The following FAM111B variants were observed in gnomAD, a reference collection of about 807,000 sequenced individuals.
FAM111B encodes the protein serine protease FAM111B.
A neutral mutation model predicts 2.8 loss-of-function variants in FAM111B; 1 was observed. That is an observed-to-expected ratio of 0.36 (90% CI 0.13 to 1.70). The LOEUF (loss-of-function observed/expected upper bound fraction) is 1.70, where lower values mean the gene tolerates loss of function less well. FAM111B is among the 40% of genes most tolerant of loss of function. The pLI, the probability that FAM111B is intolerant of heterozygous loss-of-function variation, is 0.35. For synonymous variants in FAM111B, 297 were observed against 295.6 expected, an observed-to-expected ratio of 1.00 and a Z score of -0.05; for missense variants, 882 against 878.9, an observed-to-expected ratio of 1.00 and a Z score of -0.04.
At position 59,126,257 on chromosome 11, in the gene FAM111B, A is replaced by C; in HGVS notation, c.2160A>C (p.Gln720His). 2 of 1,583,052 alleles carry C rather than the reference A, an allele frequency of 1.3e-6. No homozygotes were observed. Among genetic ancestry groups the C allele is most frequent in the Non-Finnish European group, 1.7e-6 (2 of 1,169,476 alleles). Residue 720 changes from glutamine to histidine, a missense_variant, in exon 4 of 4, where the codon CAA becomes CAC. Coordinates refer to ENST00000343597, the MANE Select transcript of FAM111B (RefSeq NM_198947.4). The part of the protein sequence containing the change: ...LETYDEEKGK[Q>H]ESSLQDHQIE... ...CCTACGATGAAGAGAAAGGTAAACA[A>C]GAGTCATCACTTCAAGATCATCAGA...
chr11:59,112,394 T>C (rs1282544526), intron 3 of FAM111B, among the ~76,000 whole-genome samples: 1 of 152,218 alleles, frequency 6.6e-6, no homozygotes. Context: ...AAAATCTGTT[T>C]ATCCATTCAC....
intron 3 of FAM111B, among the ~76,000 whole-genome samples, chr11:59,116,918 G>A (rs1859848621): frequency 6.6e-6 from 1 of 152,230 alleles, no homozygotes; most frequent in Non-Finnish European, 1.5e-5. Flanking sequence ...CATGGGCAAA[G>A]CCCTTCTGGA....
intron 3 of FAM111B, among the ~76,000 whole-genome samples, chr11:59,122,447 G>C (rs751450870): frequency 2.0e-5 from 3 of 152,156 alleles, no homozygotes; most frequent in Non-Finnish European, 4.4e-5. Context: ...TGGATGTTTA[G>C]TATATGAAAT....
Position 59,124,922 on chromosome 11 carries a change from A to G in FAM111B, c.825A>G (p.Gln275=), listed in dbSNP as rs150167727. The G allele has an allele frequency of 1.6e-4, 251 of 1,605,356 alleles. 2 individuals are homozygous for G. In the East Asian group the frequency reaches 5.6e-3, roughly 36 times the overall value. The stretch of plus-strand genomic sequence containing the variant: ...ACATTTCAAAAAAAAAAGCATTACA[A>G]CAGAAAGATATCCATAAAAAAATTA... ...EMDISKKKAL[Q]QKDIHKKIKQ... Residue 275 remains glutamine (Q), a synonymous_variant, in exon 4 of 4, where the codon CAA becomes CAG. Coordinates refer to ENST00000343597, the MANE Select transcript of FAM111B (RefSeq NM_198947.4).
In FAM111B at chr11:59,121,972, G is replaced by A. The variant is rs189514042; in HGVS notation, c.82-2207G>A. On this transcript the variant is annotated intron_variant, in intron 3 of 3. Transcript: ENST00000343597. ...AGCCTGGCCAAAATGGTGAAACCCC[G>A]TCTCTACTAAAAATACAAAAATTAG... Among the ~76,000 whole-genome samples the A allele has an allele frequency of 3.7e-3, 561 of 152,038 alleles. 6 individuals carry two copies. Among genetic ancestry groups the A allele is most frequent in the African/African-American group, 0.011 (460 of 41,440 alleles).
At chr11:59,118,852 C>G (rs1377641084) in intron 3 of FAM111B, among the ~76,000 whole-genome samples, 8 of 152,164 alleles carry the variant, frequency 5.3e-5, no homozygotes, top group Admixed American at 4.6e-4. Context: ...TGGCTTATTA[C>G]AGTGATATAT....
At chr11:59,109,414 T>G in intron 2 of FAM111B, 126 bp from the exon 3 acceptor site, 1 of 392,158 alleles carries the variant, frequency 2.5e-6, no homozygotes, top group Non-Finnish European at 4.6e-6. Context: ...TACAGTAAGC[T>G]AAATAGCCAT....
rs1421766713 is a variant in FAM111B, at chr11:59,125,752, A to G, written c.1655A>G (p.Glu552Gly). ...NLDYAILKLK[E>G]NGNAFPPGLW... ...GATTATGCCATTTTAAAACTAAAAGAAAATGGAAATGCGTTTCCTCCAGGA... is the reference window on the plus strand; with the variant it reads ...GATTATGCCATTTTAAAACTAAAAGGAAATGGAAATGCGTTTCCTCCAGGA... Residue 552 changes from glutamate (E) to glycine (G), a missense_variant, in exon 4 of 4, where the codon GAA becomes GGA. Physicochemically the swap from Glu to Gly is moderately conservative, Grantham distance 98. Coordinates refer to ENST00000343597, the MANE Select transcript of FAM111B (RefSeq NM_198947.4). 6.2e-7 allele frequency: 1 copy of G among 1,613,698 alleles called. No individual in the cohort carries two copies. The highest frequency in any genetic ancestry group is 8.5e-7 in the Non-Finnish European group (1 of 1,179,824).
At chr11:59,112,160 C>A (rs118005991) in intron 3 of FAM111B, among the ~76,000 whole-genome samples, 5,853 of 152,208 alleles carry the variant, frequency 0.038, 145 homozygotes, top group Non-Finnish European at 0.054. Flanking sequence ...CCTGTTCTCC[C>A]CACTTGTGCC....
chr11:59,116,008 G>A (rs1458322218), intron 3 of FAM111B, among the ~76,000 whole-genome samples: 7 of 152,112 alleles, frequency 4.6e-5, no homozygotes, highest in Non-Finnish European at 7.4e-5. Flanking sequence ...TTTACCTCCC[G>A]GTGCATTATC....
At chr11:59,124,055 A>G (rs950675463) in intron 3 of FAM111B, 124 bp from the exon 4 acceptor site, 124 of 564,338 alleles carry the variant, frequency 2.2e-4, no homozygotes, top group Non-Finnish European at 5.7e-5. Context: ...TTTTTTCTCC[A>G]TTATTCGTTA....
intron 3 of FAM111B, among the ~76,000 whole-genome samples, chr11:59,121,531 A>G (rs1040936480): frequency 2.0e-5 from 3 of 152,222 alleles, no homozygotes; most frequent in Non-Finnish European, 4.4e-5. Context: ...ATGTTAAATA[A>G]TATGGCAATA....
Position 59,124,855 on chromosome 11 carries a change from A to T in FAM111B, c.758A>T (p.Gln253Leu). ...GGTCATAAGAAAATTTATGGAAAAC[A>T]GTCCATGGTGGATGAAGTATCTGGA... is the stretch of plus-strand genomic sequence containing the variant. Reference protein sequence around the residue: ...KEGHKKIYGKQSMVDEVSGKV... With the variant: ...KEGHKKIYGKLSMVDEVSGKV... Residue 253 changes from glutamine to leucine, a missense_variant, in exon 4 of 4, where the codon CAG (glutamine) becomes CTG (leucine). Physicochemically the swap from Gln to Leu is moderately radical, Grantham distance 113 (BLOSUM62 -2). Transcript: ENST00000343597. 2 of 1,613,364 alleles carry T rather than the reference A, an allele frequency of 1.2e-6. No individual in the cohort carries two copies. The highest frequency in any genetic ancestry group is 1.7e-6 in the Non-Finnish European group (2 of 1,179,690).
In FAM111B at chr11:59,117,021, T is replaced by C. The variant is rs573329516; in HGVS notation, c.82-7158T>C. Among the ~76,000 whole-genome samples, 10 of 152,358 alleles carry C rather than the reference T, an allele frequency of 6.6e-5. No individual in the cohort carries two copies. The South Asian group carries it at 1.4e-3, about 22-fold the overall frequency. On this transcript the variant is annotated intron_variant, in intron 3 of 3. Coordinates refer to ENST00000343597, the MANE Select transcript of FAM111B (RefSeq NM_198947.4). ...ATCAGGTGAACATCTCAATGGGAGA[T>C]GCACACACAATTGTAACCTTACCCC...
At chr11:59,118,227 T>C (rs1012351011) in intron 3 of FAM111B, among the ~76,000 whole-genome samples, 3 of 152,204 alleles carry the variant, frequency 2.0e-5, no homozygotes, top group African/African-American at 7.2e-5. Context: ...TTCCTTTTGA[T>C]TCAGTTCCAG....
chr11:59,125,110 C>T lies in FAM111B; in HGVS notation c.1013C>T (p.Thr338Ile). Residue 338 changes from threonine to isoleucine, a missense_variant, in exon 4 of 4, where the codon ACT becomes ATT. By Grantham distance (89) the Thr-to-Ile change is moderately conservative. Coordinates refer to ENST00000343597, the MANE Select transcript of FAM111B (RefSeq NM_198947.4). ...QDLSHYIKDK[T>I]RQTIPRIRNY... ...CTAAGCCATTATATTAAAGATAAAA[C>T]TCGCCAGACAATTCCCAGGATTAGA... The T allele has an allele frequency of 6.2e-7, 1 of 1,613,790 alleles. No individual in the cohort carries two copies. The highest frequency in any genetic ancestry group is 8.5e-7 in the Non-Finnish European group (1 of 1,179,792).
Position 59,126,249 on chromosome 11 carries a change from G to A in FAM111B, c.2152G>A (p.Gly718Ser), listed in dbSNP as rs201555322. 1.9e-5 allele frequency: 30 copies of A among 1,589,758 alleles called. No individual in the cohort carries two copies. The highest frequency in any genetic ancestry group is 5.1e-6 in the Non-Finnish European group (6 of 1,172,166). ...ACTTGAGACCTACGATGAAGAGAAA[G>A]GTAAACAAGAGTCATCACTTCAAGA... Reference protein sequence around the residue: ...EKLETYDEEKGKQESSLQDHQ... With the variant: ...EKLETYDEEKSKQESSLQDHQ... The change falls in exon 4 of 4, where the codon GGT becomes AGT. Residue 718 changes from glycine to serine, a missense_variant. Gly to Ser is a moderately conservative substitution (Grantham distance 56, BLOSUM62 0). Transcript: ENST00000343597.
At chr11:59,111,722 C>T (rs571561505) in intron 3 of FAM111B, among the ~76,000 whole-genome samples, 3 of 152,248 alleles carry the variant, frequency 2.0e-5, no homozygotes, top group Non-Finnish European at 4.4e-5. Flanking sequence ...TCACTGCAGA[C>T]ATTCTATTGG....
chr11:59,126,202 A>G lies in FAM111B; in HGVS notation c.2105A>G (p.Tyr702Cys). Reference protein sequence around the residue: ...CDIKKTNESLYKSLNDEKLET... With the variant: ...CDIKKTNESLCKSLNDEKLET... ...ATTAAAAAGACAAATGAGAGCTTGT[A>G]TAAATCATTAAATGATGAGAAACTT... is the stretch of plus-strand genomic sequence containing the variant. Residue 702 changes from tyrosine to cysteine, a missense_variant, in exon 4 of 4, where the codon TAT (tyrosine) becomes TGT (cysteine). Coordinates refer to ENST00000343597, the MANE Select transcript of FAM111B (RefSeq NM_198947.4). 6.2e-7 allele frequency: 1 copy of G among 1,608,226 alleles called. No individual in the cohort carries two copies. The highest frequency in any genetic ancestry group is 8.5e-7 in the Non-Finnish European group (1 of 1,178,428).
Sources: allele counts gnomAD v4.1 joint callset (sites outside exome capture counted in the v4.1 genomes callset), GRCh38; gene constraint gnomAD v4.1.1; transcripts MANE v1.5; gene names NCBI Gene and HGNC (gene_info 2026-07-23, HGNC 2026-07-21).